Variants in LDLRAD3 observed in about 807,000 individuals in gnomAD.
LDLRAD3 encodes the protein low density lipoprotein receptor class A domain containing 3, also known as low-density lipoprotein receptor class A domain-containing protein 3.
LDLRAD3 carries 20 observed loss-of-function variants against 29.4 expected under a neutral mutation model. The ratio of observed to expected loss-of-function variants is 0.68; its 90% CI spans 0.48 to 0.99. The LOEUF is 0.99. LDLRAD3 is among the 50% of genes least tolerant of loss of function. The pLI is 0.00. For synonymous variants in LDLRAD3, 157 were observed against 192.7 expected (o/e 0.81, Z 1.53); for missense variants, 420 against 454.3 (o/e 0.92, Z 0.69).
At chr11:36,162,603 T>C (rs1199742618) in intron 4 of LDLRAD3, among the ~76,000 whole-genome samples, 1 of 152,190 alleles carries the variant, frequency 6.6e-6, no homozygotes, top group African/African-American at 2.4e-5. Flanking sequence ...ACATTAGCTT[T>C]GATTTGCTAG....
At chr11:36,161,448 G>T (rs1854438359) in intron 4 of LDLRAD3, among the ~76,000 whole-genome samples, 1 of 152,080 alleles carries the variant, frequency 6.6e-6, no homozygotes, top group African/African-American at 2.4e-5. Context: ...ATAAATATAT[G>T]ATGTATTTAT....
At chr11:35,962,840 G>A (rs1016900787) in intron 1 of LDLRAD3, among the ~76,000 whole-genome samples, 1 of 152,194 alleles carries the variant, frequency 6.6e-6, no homozygotes, top group Admixed American at 6.5e-5. Context: ...GGTGGGGAAC[G>A]AAACAGAGGG....
chr11:35,965,188 G>GA (rs1255294702), intron 1 of LDLRAD3, among the ~76,000 whole-genome samples: 1 of 152,102 alleles, frequency 6.6e-6, no homozygotes, highest in Non-Finnish European at 1.5e-5. Flanking sequence ...TGAGAATAAT[G>GA]AAAACCAAAT....
At position 36,050,350 on chromosome 11, in the gene LDLRAD3, G is replaced by A. The variant is rs559425836; in HGVS notation, c.193+14101G>A. On this transcript the variant is annotated intron_variant, in intron 2 of 5. Transcript: ENST00000315571. ...ACCTTGTCCTGTTGAGCCCTGGGCA[G>A]TGCCTGCTTTTTGATGCTCAGACCA... Among the ~76,000 whole-genome samples, 7 of 152,360 alleles carry A rather than the reference G, an allele frequency of 4.6e-5. No individual in the cohort carries two copies. In the South Asian group the frequency reaches 1.4e-3, roughly 32 times the overall value.
At position 36,081,722 on chromosome 11, in the gene LDLRAD3, G is replaced by C; in HGVS notation, c.263G>C (p.Arg88Pro). The C allele has an allele frequency of 6.2e-7, 1 of 1,614,162 alleles. No individual in the cohort carries two copies. The highest frequency in any genetic ancestry group is 8.5e-7 in the Non-Finnish European group (1 of 1,180,012). The change falls in exon 3 of 6, where the codon CGC becomes CCC. Residue 88 changes from arginine to proline, a missense_variant. Around this residue, in one of 3 missense-constraint regions of LDLRAD3, gnomAD observed 224 missense variants for 222.2 expected, o/e 1.01. Transcript: ENST00000315571. ...CASGIHCIIG[R>P]FRCNGFEDCP... ...AGCGGCATCCATTGCATCATTGGTC[G>C]CTTCCGGTGCAATGGGTTTGAGGAC...
At chr11:36,071,910 T>C (rs72638200) in intron 2 of LDLRAD3, among the ~76,000 whole-genome samples, 3,749 of 152,350 alleles carry the variant, frequency 0.025, 101 homozygotes, top group East Asian at 0.11. Context: ...GAGACCATGC[T>C]GTAAGAGCAT....
chr11:36,010,859 G>GT (rs1312902079), intron 1 of LDLRAD3, among the ~76,000 whole-genome samples: 2 of 152,050 alleles, frequency 1.3e-5, no homozygotes, highest in African/African-American at 4.8e-5. Flanking sequence ...AGGCTGGAGT[G>GT]TGATGGTGCG....
chr11:36,081,559 G>C, intron 2 of LDLRAD3, 94 bp from the exon 3 acceptor site: 1 of 1,507,938 alleles, frequency 6.6e-7, no homozygotes, highest in East Asian at 2.3e-5. Flanking sequence ...TGAATCTTAA[G>C]TGGACTCATT....
At chr11:36,004,372 T>C (rs1408865793) in intron 1 of LDLRAD3, among the ~76,000 whole-genome samples, 3 of 152,148 alleles carry the variant, frequency 2.0e-5, no homozygotes, top group Non-Finnish European at 4.4e-5. Context: ...AGCAGGGCAG[T>C]CATTAAATCT....
chr11:36,091,489 C>A (rs1402474037), intron 3 of LDLRAD3, among the ~76,000 whole-genome samples: 2 of 151,682 alleles, frequency 1.3e-5, no homozygotes, highest in Admixed American at 1.3e-4. Flanking sequence ...CTGCCTCCCT[C>A]CCTCCCTCCC....
intron 4 of LDLRAD3, among the ~76,000 whole-genome samples, chr11:36,117,804 T>C (rs1324538818): frequency 6.6e-6 from 1 of 152,232 alleles, no homozygotes; most frequent in Non-Finnish European, 1.5e-5. Context: ...CTTCAGCTCC[T>C]AATATGGTGG....
At chr11:36,145,678 T>C (rs1247126215) in intron 4 of LDLRAD3, among the ~76,000 whole-genome samples, 2 of 151,772 alleles carry the variant, frequency 1.3e-5, no homozygotes, top group East Asian at 3.9e-4. Flanking sequence ...TTCTTCTGCC[T>C]TGGGATCCTG....
chr11:36,022,986 C>T (rs895166351), intron 1 of LDLRAD3, among the ~76,000 whole-genome samples: 2 of 152,168 alleles, frequency 1.3e-5, no homozygotes, highest in African/African-American at 2.4e-5. Context: ...ATCATTTGCT[C>T]AAGAAGTCAG....
chr11:36,038,885 C>G (rs1032945677), intron 2 of LDLRAD3, among the ~76,000 whole-genome samples: 3 of 151,974 alleles, frequency 2.0e-5, no homozygotes, highest in African/African-American at 7.3e-5. Context: ...ATCGTGAAAA[C>G]AGAACATTAG....
intron 4 of LDLRAD3, among the ~76,000 whole-genome samples, chr11:36,116,560 A>G (rs1853677128): frequency 6.6e-6 from 1 of 152,118 alleles, no homozygotes; most frequent in South Asian, 2.1e-4. Flanking sequence ...GCCTTTGTTA[A>G]TTCAGTGTTA....
intron 4 of LDLRAD3, among the ~76,000 whole-genome samples, chr11:36,141,407 G>A (rs182367796): frequency 9.7e-4 from 148 of 152,312 alleles, no homozygotes; most frequent in Non-Finnish European, 1.6e-3. Flanking sequence ...GAATTTTTAT[G>A]TGCGTCTTGG....
intron 4 of LDLRAD3, among the ~76,000 whole-genome samples, chr11:36,114,891 A>G (rs889237410): frequency 1.3e-5 from 2 of 152,090 alleles, no homozygotes; most frequent in South Asian, 2.1e-4. Context: ...TGGCACTCCT[A>G]CCTTTGAGAG....
chr11:36,210,688 A>T (rs185263041), intron 4 of LDLRAD3, among the ~76,000 whole-genome samples: 1 of 152,280 alleles, frequency 6.6e-6, no homozygotes, highest in East Asian at 1.9e-4. Flanking sequence ...GAGACATCCA[A>T]GTACCTCTCA....
rs529695686 is a variant in LDLRAD3 at position 36,229,419 on chromosome 11, A to G, written c.*22A>G. The G allele has an allele frequency of 2.7e-5, 41 of 1,522,634 alleles. No individual in the cohort carries two copies. Among genetic ancestry groups the G allele is most frequent in the African/African-American group, 8.2e-5 (6 of 73,326 alleles). 94.3% of individuals were successfully genotyped at this position (1,522,634 alleles called of 1,614,324 possible). A position where few individuals can be genotyped will look rare whatever the true frequency, so the allele number is the denominator to read the frequency against. On this transcript the variant is annotated 3_prime_UTR_variant, in exon 6 of 6. Transcript: ENST00000315571. ...ATAAGTCCCAGTTATTCCAAAGTCC[A>G]TATGGGTTAATCTGCTCTGACTTGT...
Sources: gnomAD v4.1 joint callset for allele counts (sites outside exome capture counted in the v4.1 genomes callset) on GRCh38, gnomAD v4.1.1 for gene constraint, gnomAD v4.1.1 regional missense constraint, MANE v1.5 for transcripts, NCBI Gene and HGNC (gene_info 2026-07-23, HGNC 2026-07-21) for gene names.